Variants in ABCF1 observed in about 807,000 individuals in gnomAD.
ABCF1 encodes ATP-binding cassette sub-family F member 1.
In ABCF1, 73 loss-of-function variants were observed where a neutral mutation model predicts 126.3. The observed-to-expected ratio is 0.58, with a 90% CI of 0.48 to 0.70. The LOEUF (loss-of-function observed/expected upper bound fraction) is 0.70. Ranked by LOEUF, ABCF1 falls within the 30% of genes least tolerant of loss-of-function variation. The pLI, the probability that ABCF1 is intolerant of heterozygous loss-of-function variation, is 0.00. For synonymous variants in ABCF1, 345 were observed against 396.4 expected (o/e 0.87, Z 1.54); for missense variants, 786 against 1,057.5 (o/e 0.74, Z 3.56).
Position 30,584,027 on chromosome 6 carries a change from C to A in ABCF1, c.1102+137C>A. 2 of 1,387,078 alleles carry A rather than the reference C, an allele frequency of 1.4e-6. No homozygotes were observed. Among genetic ancestry groups the A allele is most frequent in the Non-Finnish European group, 9.9e-7 (1 of 1,007,730 alleles). The allele number at this position is 1,387,078 out of a possible 1,614,324, so 85.9% of individuals were successfully genotyped here. On this transcript the variant is annotated intron_variant, in intron 12 of 24. Coordinates refer to ENST00000326195, the MANE Select transcript of ABCF1 (RefSeq NM_001025091.2). This position sits in a 1 kb window ranked among gnomAD's most constrained non-coding sequence, Gnocchi z 4.6. ...GAGACTGGAGACCGGGAAAGGGATG[C>A]TAAGGAAAGGAGGGGAGGGTCAATG...
intron 1 of ABCF1, among the ~76,000 whole-genome samples, chr6:30,572,311 T>C (rs1461371485): frequency 2.6e-5 from 4 of 152,172 alleles, no homozygotes; most frequent in Non-Finnish European, 4.4e-5. Context: ...AGTGGGAATG[T>C]AGAGATAAAA....
At chr6:30,579,128 G>T (rs144123993) in intron 6 of ABCF1, among the ~76,000 whole-genome samples, 2 of 152,118 alleles carry the variant, frequency 1.3e-5, no homozygotes, top group Non-Finnish European at 2.9e-5. Context: ...ACTCTTCTGC[G>T]TGTGCATCTT....
In ABCF1 at chr6:30,584,094, TG is replaced by T; in HGVS notation, c.1103-95del. The T allele has an allele frequency of 6.6e-7, 1 of 1,514,742 alleles. No homozygotes were observed. The highest frequency in any genetic ancestry group is 8.9e-7 in the Non-Finnish European group (1 of 1,125,294). The allele number at this position is 1,514,742 out of a possible 1,614,324, so 93.8% of individuals were successfully genotyped here. A position where few individuals can be genotyped will look rare whatever the true frequency, so the allele number is the denominator to read the frequency against. ...TTTATTTGGAACAAGTACAAAGAGC[TG>T]GGCAGGGTCAGGCAAAACAGAAATG... is the stretch of plus-strand genomic sequence containing the variant. On this transcript the variant is annotated intron_variant, in intron 12 of 24. Coordinates refer to ENST00000326195, the MANE Select transcript of ABCF1 (RefSeq NM_001025091.2). This position sits in a 1 kb window ranked among gnomAD's most constrained non-coding sequence, Gnocchi z 4.6.
In ABCF1 at chr6:30,585,206, T is replaced by C. The variant is rs564605722; in HGVS notation, c.1392-54T>C. 1.1e-5 allele frequency: 17 copies of C among 1,508,764 alleles called. No individual in the cohort carries two copies. In the Admixed American group the frequency reaches 2.7e-4, roughly 24 times the overall value. 93.5% of individuals were successfully genotyped at this position (1,508,764 alleles called of 1,614,324 possible). A position where few individuals can be genotyped will look rare whatever the true frequency, so the allele number is the denominator to read the frequency against. ...TATCTCCGAGTTTTCTCTGGGGTTG[T>C]CTGAGCAAGGATCTTTCTCTCCCTG... is the stretch of plus-strand genomic sequence containing the variant. On this transcript the variant is annotated intron_variant, in intron 14 of 24. Coordinates refer to ENST00000326195, the MANE Select transcript of ABCF1 (RefSeq NM_001025091.2).
At position 30,584,360 on chromosome 6, in the gene ABCF1, C is replaced by T; in HGVS notation, c.1242+29C>T. 1.2e-6 allele frequency: 2 copies of T among 1,613,066 alleles called. No individual in the cohort carries two copies. The highest frequency in any genetic ancestry group is 8.5e-7 in the Non-Finnish European group (1 of 1,180,014). On this transcript the variant is annotated intron_variant, in intron 13 of 24. Transcript: ENST00000326195. The surrounding 1 kb of genome is among the most constrained non-coding windows in gnomAD (Gnocchi z 4.6). ...GAGGAGATGGCGCAGGGGACACGGG[C>T]AAAGACTTGGGGGTTCCTGGGACCC...
At position 30,577,885 on chromosome 6, in the gene ABCF1, A is replaced by G; in HGVS notation, c.188A>G (p.Glu63Gly). ...GAAGAGAAAGTGCTCAAGGAGAAGGAGCAGCAGCAGCAGCAACAGCAACAG... is the reference window on the plus strand; with the variant it reads ...GAAGAGAAAGTGCTCAAGGAGAAGGGGCAGCAGCAGCAGCAACAGCAACAG... Reference protein sequence around the residue: ...GEEEKVLKEKEQQQQQQQQQQ... With the variant: ...GEEEKVLKEKGQQQQQQQQQQ... Residue 63 changes from glutamate to glycine, a missense_variant, in exon 3 of 25, where the codon GAG becomes GGG. By Grantham distance (98) the Glu-to-Gly change is moderately conservative (BLOSUM62 -2). Transcript: ENST00000326195. 2 of 1,613,198 alleles carry G rather than the reference A, an allele frequency of 1.2e-6. No individual in the cohort carries two copies. Among genetic ancestry groups the G allele is most frequent in the East Asian group, 4.5e-5 (2 of 44,882 alleles).
Position 30,589,720 on chromosome 6 carries a change from G to A in ABCF1, c.2064G>A (p.Leu688=). 2 of 1,614,158 alleles carry A rather than the reference G, an allele frequency of 1.2e-6. No individual in the cohort carries two copies. Among genetic ancestry groups the A allele is most frequent in the Non-Finnish European group, 1.7e-6 (2 of 1,180,022 alleles). Residue 688 remains leucine (L), a splice_region_variant and synonymous_variant, in exon 21 of 25, where the codon CTG becomes CTA. Coordinates refer to ENST00000326195, the MANE Select transcript of ABCF1 (RefSeq NM_001025091.2). The part of the protein sequence containing the change: ...THGEMRKNHR[L]KIGFFNQQYA... ...GGGAAATGAGAAAGAACCACCGGCTGGTAAGTTGGCATTGGGATTTAGGGA... is the reference window on the plus strand; with the variant it reads ...GGGAAATGAGAAAGAACCACCGGCTAGTAAGTTGGCATTGGGATTTAGGGA...
intron 16 of ABCF1, 37 bp downstream of exon 16, chr6:30,585,719 GAA>G: frequency 6.2e-7 from 1 of 1,608,778 alleles, no homozygotes; most frequent in African/African-American, 1.3e-5. Context: ...GGAAGAGATA[GAA>G]CCTCGAAAAG....
chr6:30,583,847 C>G lies in ABCF1; in HGVS notation c.1059C>G (p.Ala353=). The G allele has an allele frequency of 6.2e-7, 1 of 1,614,070 alleles. No individual in the cohort carries two copies. The highest frequency in any genetic ancestry group is 2.2e-5 in the East Asian group (1 of 44,882). ...TTLLKHIANR[A]LSIPPNIDVL... is the part of the protein sequence containing the mutation. Reference sequence around the variant, plus strand: ...TCCTCAAGCACATTGCCAACCGAGCCCTGAGCATCCCTCCCAACATTGATG... The same window carrying G: ...TCCTCAAGCACATTGCCAACCGAGCGCTGAGCATCCCTCCCAACATTGATG... Residue 353 remains alanine (A), a synonymous_variant, in exon 12 of 25, where the codon GCC becomes GCG. Transcript: ENST00000326195. The surrounding 1 kb of genome is among the most constrained non-coding windows in gnomAD (Gnocchi z 4.1).
intron 9 of ABCF1, 121 bp downstream of exon 9, chr6:30,582,628 A>C (rs1801885302): frequency 3.9e-6 from 4 of 1,032,942 alleles, no homozygotes; most frequent in Non-Finnish European, 5.8e-6. Context: ...CAATCGGAGT[A>C]AGAAAATAAT....
chr6:30,587,478 T>G (rs1802208610), intron 20 of ABCF1, among the ~76,000 whole-genome samples: 1 of 151,560 alleles, frequency 6.6e-6, no homozygotes, highest in East Asian at 2.0e-4. Context: ...CTACTAAAAA[T>G]ACAAAATTAG....
chr6:30,579,432 T>C (rs1801686942), intron 6 of ABCF1, among the ~76,000 whole-genome samples: 1 of 150,832 alleles, frequency 6.6e-6, no homozygotes, highest in Non-Finnish European at 1.5e-5. Flanking sequence ...TATATCCAGA[T>C]AAACCCATCA....
chr6:30,588,637 G>A (rs574624667), intron 20 of ABCF1, among the ~76,000 whole-genome samples: 1 of 152,022 alleles, frequency 6.6e-6, no homozygotes, highest in African/African-American at 2.4e-5. Context: ...GGGATTACAG[G>A]TGTGAGCCAC....
At chr6:30,581,832 T>C (rs1443269681) in intron 8 of ABCF1, among the ~76,000 whole-genome samples, 3 of 152,140 alleles carry the variant, frequency 2.0e-5, no homozygotes, top group African/African-American at 7.2e-5. Flanking sequence ...TATAGGGACA[T>C]AACGCGTTGT....
intron 1 of ABCF1, among the ~76,000 whole-genome samples, chr6:30,576,188 T>A (rs1188047494): frequency 1.3e-5 from 2 of 149,104 alleles, no homozygotes; most frequent in Non-Finnish European, 3.0e-5. Context: ...TAAGACCTTC[T>A]CTTCCACTGC....
In ABCF1 at chr6:30,583,460, C is replaced by A. The variant is rs1348251446; in HGVS notation, c.916-148C>A. 4.3e-6 allele frequency: 4 copies of A among 930,392 alleles called. No individual in the cohort carries two copies. The Admixed American group carries it at 8.4e-5, about 19-fold the overall frequency. 57.6% of individuals were successfully genotyped at this position (930,392 alleles called of 1,614,324 possible). On this transcript the variant is annotated intron_variant, in intron 10 of 24. Coordinates refer to ENST00000326195, the MANE Select transcript of ABCF1 (RefSeq NM_001025091.2). The surrounding 1 kb of genome is among the most constrained non-coding windows in gnomAD (Gnocchi z 4.1). Reference sequence around the variant, plus strand: ...TACAGGCAGCGAACAGGGCGGGGACCGGCTGTGGGGAGAGGAAGGGGATTA... The same window carrying A: ...TACAGGCAGCGAACAGGGCGGGGACAGGCTGTGGGGAGAGGAAGGGGATTA...
Position 30,591,015 on chromosome 6 carries a change from G to T in ABCF1, c.*314G>T. ...CAAGTTTATGTGGCCTATTGTCTCA[G>T]GACTCTCATCACTCAGAAGCCTGCC... On this transcript the variant is annotated 3_prime_UTR_variant, in exon 25 of 25. Transcript: ENST00000326195. 1 of 326,130 alleles carries T rather than the reference G, an allele frequency of 3.1e-6. No homozygotes were observed. The highest frequency in any genetic ancestry group is 5.5e-6 in the Non-Finnish European group (1 of 180,444). The allele number at this position is 326,130 out of a possible 1,614,324, so 20.2% of individuals were successfully genotyped here.
In ABCF1 at chr6:30,571,467, G is replaced by A. The variant is rs1020494177; in HGVS notation, c.-21G>A. 6.2e-7 allele frequency: 1 copy of A among 1,605,080 alleles called. No homozygotes were observed. Among genetic ancestry groups the A allele is most frequent in the Non-Finnish European group, 8.5e-7 (1 of 1,176,716 alleles). On this transcript the variant is annotated 5_prime_UTR_variant, in exon 1 of 25. Transcript: ENST00000326195. ...GGAAATAGCACCGGGCGCCGCCACA[G>A]TAGCTGTAACTGCCACCGCGATGCC...
At chr6:30,578,603 C>T (rs1034571169) in intron 6 of ABCF1, 26 bp downstream of exon 6, 2 of 1,595,040 alleles carry the variant, frequency 1.3e-6, no homozygotes, top group African/African-American at 1.3e-5. Context: ...CGATCAGTCA[C>T]TCTCACTCCA....
Sources: gnomAD v4.1 joint callset for allele counts (sites outside exome capture counted in the v4.1 genomes callset) on GRCh38, gnomAD v4.1.1 for gene constraint, Gnocchi (gnomAD v3.1) non-coding constraint, MANE v1.5 for transcripts, NCBI Gene and HGNC (gene_info 2026-07-23, HGNC 2026-07-21) for gene names.